ADAMTS7: variants seen among roughly 807,000 people sequenced by gnomAD.
ADAMTS7 encodes the protein A disintegrin and metalloproteinase with thrombospondin motifs 7.
A neutral mutation model predicts 172.6 loss-of-function variants in ADAMTS7; 89 were observed. The ratio of observed to expected loss-of-function variants is 0.52; its 90% CI spans 0.43 to 0.61. ADAMTS7 has a LOEUF of 0.61. Among genes scored for constraint, ADAMTS7 ranks in the 20% least tolerant of loss-of-function variants. ADAMTS7 has a pLI of 0.00. For missense variants in ADAMTS7, 1,973 were observed against 2,355.6 expected, an observed-to-expected ratio of 0.84 and a Z score of 3.36; for synonymous variants, 885 against 978.4, an observed-to-expected ratio of 0.90 and a Z score of 1.78.
chr15:78,770,377 A>G (rs899570455), intron 16 of ADAMTS7, among the ~76,000 whole-genome samples: 2 of 149,328 alleles, frequency 1.3e-5, no homozygotes, highest in Admixed American at 1.3e-4. Context: ...GAGTGTCAAC[A>G]ATGGGAAGAC....
At chr15:78,762,106 C>T in intron 23 of ADAMTS7, 1 of 981,826 alleles carries the variant, frequency 1.0e-6, no homozygotes, top group East Asian at 1.1e-4. Flanking sequence ...AAAGAGCTTA[C>T]CCAGGTTCAC....
chr15:78,767,845 C>T, intron 17 of ADAMTS7, among the ~76,000 whole-genome samples: 1 of 151,704 alleles, frequency 6.6e-6, no homozygotes, highest in East Asian at 1.9e-4. Context: ...GGCCTGTTTC[C>T]ACATCCAGGG....
chr15:78,791,653 G>A (rs1300760720), intron 4 of ADAMTS7, among the ~76,000 whole-genome samples: 1 of 152,208 alleles, frequency 6.6e-6, no homozygotes, highest in Non-Finnish European at 1.5e-5. Context: ...GTGCCCTCCT[G>A]ACCTGGGGAT....
chr15:78,768,360 A>C (rs1178207747), intron 16 of ADAMTS7, 101 bp from the exon 17 acceptor site: 1 of 1,532,612 alleles, frequency 6.5e-7, no homozygotes, highest in Non-Finnish European at 8.9e-7. Context: ...ACAGCGCCTT[A>C]CTGCCCGTGT....
chr15:78,764,792 G>A (rs1355539134), intron 19 of ADAMTS7, 85 bp from the exon 20 acceptor site: 81 of 1,371,664 alleles, frequency 5.9e-5, no homozygotes, highest in Non-Finnish European at 6.8e-5. Flanking sequence ...CTAGGCTAGC[G>A]AGACCTCAGC....
intron 23 of ADAMTS7, chr15:78,761,844 C>A (rs2055048988): frequency 2.4e-5 from 24 of 985,334 alleles, no homozygotes; most frequent in Non-Finnish European, 2.9e-5. Context: ...ACCCAGCTGG[C>A]CAGGAAACCC....
chr15:78,809,757 G>A (rs944411328), intron 1 of ADAMTS7, among the ~76,000 whole-genome samples: 7 of 152,304 alleles, frequency 4.6e-5, no homozygotes, highest in Middle Eastern at 3.4e-3. Flanking sequence ...GCTCTGGACA[G>A]TGGAAAACAC....
chr15:78,788,465 A>G, intron 7 of ADAMTS7, 91 bp from the exon 8 acceptor site: 1 of 1,494,938 alleles, frequency 6.7e-7, no homozygotes, highest in Middle Eastern at 2.5e-4. Flanking sequence ...GCGCAGTCCT[A>G]GTTCCCAGGG....
chr15:78,808,133 G>A (rs1490083789), intron 1 of ADAMTS7, among the ~76,000 whole-genome samples: 6 of 151,980 alleles, frequency 3.9e-5, no homozygotes, highest in African/African-American at 1.4e-4. Context: ...TGGAATTACA[G>A]GTGTGAATCA....
rs749830011 is a variant in ADAMTS7 at position 78,762,474 on chromosome 15, C to T, written c.4832G>A (p.Cys1611Tyr). Residue 1611 changes from cysteine (C) to tyrosine (Y), a missense_variant, in exon 23 of 24, where the codon TGT becomes TAT. Physicochemically the swap from Cys to Tyr is radical, Grantham distance 194. Coordinates refer to ENST00000388820, the MANE Select transcript of ADAMTS7 (RefSeq NM_014272.5). ...TGLPEEDSDQ[C>Y]GHEAWPESSR... ...GCTCTCAGGCCAGGCCTCGTGGCCA[C>T]ACTGGTCACTGTCTTCCTCGGGCAG... 6.3e-7 allele frequency: 1 copy of T among 1,585,872 alleles called. No individual in the cohort carries two copies. Among genetic ancestry groups the T allele is most frequent in the Admixed American group, 1.7e-5 (1 of 57,254 alleles).
rs367765365 is a variant in ADAMTS7, at chr15:78,793,765, A to C, written c.820-2542T>G. ...AATAAACATCTGATCCCGAGGGAACATCTGTTCCCCATCCTTCTGGCCCAC... is the reference window on the plus strand; with the variant it reads ...AATAAACATCTGATCCCGAGGGAACCTCTGTTCCCCATCCTTCTGGCCCAC... On this transcript the variant is annotated intron_variant, in intron 4 of 23. Coordinates refer to ENST00000388820, the MANE Select transcript of ADAMTS7 (RefSeq NM_014272.5). 2.0e-5 allele frequency among the ~76,000 whole-genome samples: 3 copies of C among 152,320 alleles called. 1 individual carries two copies. Among genetic ancestry groups the C allele is most frequent in the African/African-American group, 7.2e-5 (3 of 41,578 alleles).
Position 78,766,838 on chromosome 15 carries a change from G to A in ADAMTS7, c.3073C>T (p.His1025Tyr). ...LFNEADFIPH[H>Y]LAPRPSPASS... The stretch of plus-strand genomic sequence containing the variant: ...GCGGGTGAAGGGCGTGGGGCCAGGT[G>A]GTGCGGGATGAAGTCAGCCTCGTTG... Residue 1025 changes from histidine (H) to tyrosine (Y), a missense_variant, in exon 19 of 24, where the codon CAC (histidine) becomes TAC (tyrosine). His to Tyr is a moderately conservative substitution (Grantham distance 83, BLOSUM62 2). Transcript: ENST00000388820. 6.2e-7 allele frequency: 1 copy of A among 1,610,270 alleles called. No homozygotes were observed. The highest frequency in any genetic ancestry group is 8.5e-7 in the Non-Finnish European group (1 of 1,179,626).
chr15:78,778,516 C>G (rs2055385534), intron 8 of ADAMTS7, among the ~76,000 whole-genome samples: 1 of 152,208 alleles, frequency 6.6e-6, no homozygotes, highest in Admixed American at 6.5e-5. Flanking sequence ...GCCCATGGCT[C>G]ATTGCTGTCC....
At chr15:78,808,880 G>C (rs2055830488) in intron 1 of ADAMTS7, among the ~76,000 whole-genome samples, 1 of 152,190 alleles carries the variant, frequency 6.6e-6, no homozygotes, top group South Asian at 2.1e-4. Context: ...CTGCCACATT[G>C]GGTGTTAAAT....
intron 1 of ADAMTS7, among the ~76,000 whole-genome samples, chr15:78,805,452 G>A (rs2055775640): frequency 6.6e-6 from 1 of 152,194 alleles, no homozygotes; most frequent in Non-Finnish European, 1.5e-5. Flanking sequence ...CTGGGGTGGA[G>A]CAGTGAGTTC....
chr15:78,791,089 T>A (rs746905519), intron 5 of ADAMTS7, 51 bp downstream of exon 5: 2 of 1,577,030 alleles, frequency 1.3e-6, no homozygotes, highest in East Asian at 4.5e-5. Flanking sequence ...GCAGGAGGGC[T>A]CTGGCAGCCG....
intron 1 of ADAMTS7, among the ~76,000 whole-genome samples, chr15:78,807,642 C>T (rs1488703693): frequency 6.6e-6 from 1 of 152,212 alleles, no homozygotes; most frequent in Non-Finnish European, 1.5e-5. Context: ...ATAATAATTA[C>T]AGCTGCTCTC....
chr15:78,810,015 G>A (rs1041667237), intron 1 of ADAMTS7, among the ~76,000 whole-genome samples: 2 of 152,334 alleles, frequency 1.3e-5, no homozygotes, highest in Middle Eastern at 6.8e-3. Flanking sequence ...TCCCCTCAAC[G>A]GCTTCCCAAA....
At chr15:78,811,024 G>A in intron 1 of ADAMTS7, 97 bp downstream of exon 1, 1 of 1,175,826 alleles carries the variant, frequency 8.5e-7, no homozygotes. Context: ...CAGCGGAGCC[G>A]GCGCGGGGTC....
Sources: gnomAD v4.1 joint callset for allele counts (sites outside exome capture counted in the v4.1 genomes callset) on GRCh38, gnomAD v4.1.1 for gene constraint, MANE v1.5 for transcripts, NCBI Gene and HGNC (gene_info 2026-07-23, HGNC 2026-07-21) for gene names.